DRC1: variants seen among roughly 807,000 people sequenced by gnomAD.
DRC1 encodes the protein dynein regulatory complex protein 1.
In DRC1, 74 loss-of-function variants were observed where a neutral mutation model predicts 98.7. The observed-to-expected ratio is 0.75, with a 90% CI of 0.62 to 0.91. DRC1 has a LOEUF of 0.91. Ranked by LOEUF, DRC1 falls within the 40% of genes least tolerant of loss-of-function variation. The probability of loss-of-function intolerance (pLI) is 0.00; values close to 1 mark genes in which losing one functional copy is unlikely to be tolerated. For missense variants in DRC1, 875 were observed against 886.0 expected (o/e 0.99, Z 0.16); for synonymous variants, 336 against 334.1 (o/e 1.01, Z -0.06).
chr2:26,436,125 TTC>T (rs1454404428), intron 7 of DRC1, among the ~76,000 whole-genome samples: 1 of 151,592 alleles, frequency 6.6e-6, no homozygotes, highest in African/African-American at 2.4e-5. Flanking sequence ...CATCTCCTGT[TTC>T]TTTTTTTTTT....
chr2:26,453,398 G>C lies in DRC1; in HGVS notation c.1768G>C (p.Glu590Gln). Reference protein sequence around the residue: ...TSTRSELELAEQTEMEGEKEE... With the variant: ...TSTRSELELAQQTEMEGEKEE... ...CACGAGGTCAGAATTGGAGCTGGCA[G>C]AGCAGACGGAGATGGAGGGAGAAAA... Residue 590 changes from glutamate to glutamine, a missense_variant, in exon 14 of 17, where the codon GAG (glutamate) becomes CAG (glutamine). Glu to Gln is a conservative substitution (Grantham distance 29). Coordinates refer to ENST00000288710, the MANE Select transcript of DRC1 (RefSeq NM_145038.5). 6.2e-7 allele frequency: 1 copy of C among 1,614,230 alleles called. No homozygotes were observed. The highest frequency in any genetic ancestry group is 1.1e-5 in the South Asian group (1 of 91,084).
intron 4 of DRC1, among the ~76,000 whole-genome samples, chr2:26,425,087 C>T (rs930574876): frequency 6.6e-6 from 1 of 152,164 alleles, no homozygotes; most frequent in Admixed American, 6.5e-5. Context: ...TTCCCTCTTC[C>T]ACTTCCCCCT....
chr2:26,448,559 G>A, intron 10 of DRC1, 132 bp from the exon 11 acceptor site: 1 of 910,610 alleles, frequency 1.1e-6, no homozygotes, highest in Non-Finnish European at 1.8e-6. Flanking sequence ...AAGAGACTGA[G>A]AGAATGCCTC....
chr2:26,431,871 C>T lies in DRC1; in HGVS notation c.766-13C>T, dbSNP rs376503606. The T allele has an allele frequency of 8.7e-6, 14 of 1,613,204 alleles. No homozygotes were observed. Among genetic ancestry groups the T allele is most frequent in the Admixed American group, 1.7e-5 (1 of 59,974 alleles). On this transcript the variant is annotated splice_polypyrimidine_tract_variant and intron_variant, in intron 6 of 16. Coordinates refer to ENST00000288710, the MANE Select transcript of DRC1 (RefSeq NM_145038.5). ...TGGTCCCTAACTTTTCCCTTGTCTT[C>T]CTGTGCCTTTAGCTGGAGTATCTTA...
intron 3 of DRC1, among the ~76,000 whole-genome samples, chr2:26,422,633 G>A (rs1251034691): frequency 2.0e-5 from 3 of 152,096 alleles, no homozygotes; most frequent in South Asian, 4.2e-4. Flanking sequence ...CAACCACTTG[G>A]CCAGGCACGG....
chr2:26,436,288 G>T (rs1663569200), intron 7 of DRC1, among the ~76,000 whole-genome samples: 4 of 152,036 alleles, frequency 2.6e-5, no homozygotes, highest in Non-Finnish European at 4.4e-5. Context: ...TGTTGTTCAT[G>T]TTCTTTGCCC....
At chr2:26,403,827 G>A (rs900232828) in intron 1 of DRC1, among the ~76,000 whole-genome samples, 4 of 144,648 alleles carry the variant, frequency 2.8e-5, no homozygotes, top group Admixed American at 7.1e-5. Flanking sequence ...TGGGCCGGGC[G>A]CAGTGGCTCA....
At chr2:26,436,616 C>T (rs1463279209) in intron 7 of DRC1, among the ~76,000 whole-genome samples, 2 of 152,122 alleles carry the variant, frequency 1.3e-5, no homozygotes, top group African/African-American at 2.4e-5. Flanking sequence ...CCCAGCCATC[C>T]ATATACATAT....
At position 26,430,781 on chromosome 2, in the gene DRC1, C is replaced by T. The variant is rs367775128; in HGVS notation, c.679-5C>T. 19 of 1,613,568 alleles carry T rather than the reference C, an allele frequency of 1.2e-5. No homozygotes were observed. The highest frequency in any genetic ancestry group is 4.0e-5 in the African/African-American group (3 of 74,868). On this transcript the variant is annotated splice_polypyrimidine_tract_variant and splice_region_variant and intron_variant, in intron 5 of 16. Coordinates refer to ENST00000288710, the MANE Select transcript of DRC1 (RefSeq NM_145038.5). The stretch of plus-strand genomic sequence containing the variant: ...TGCAAGAGTGTTTTTCCTTCTTGGT[C>T]GTAGAAAGCATTTGAGGTGGAACGC...
At chr2:26,439,936 T>TATATATATACACAC (rs548209014) in intron 7 of DRC1, among the ~76,000 whole-genome samples, 1 of 75,460 alleles carries the variant, frequency 1.3e-5, no homozygotes, top group African/African-American at 4.3e-5. Flanking sequence ...TATATATATA[T>TATATATATACACAC]ACACACACAC....
intron 2 of DRC1, among the ~76,000 whole-genome samples, chr2:26,414,797 C>T (rs1453631788): frequency 6.6e-6 from 1 of 152,206 alleles, no homozygotes; most frequent in East Asian, 1.9e-4. Context: ...GATCCACTCA[C>T]TCCCCTCCAG....
At chr2:26,449,919 C>T (rs1325445633) in intron 11 of DRC1, 77 bp from the exon 12 acceptor site, 2 of 1,334,046 alleles carry the variant, frequency 1.5e-6, no homozygotes, top group Non-Finnish European at 2.1e-6. Context: ...GAGTGTTACA[C>T]AGGGGGCAGC....
At chr2:26,440,905 T>C (rs1017818617) in intron 8 of DRC1, among the ~76,000 whole-genome samples, 3 of 152,220 alleles carry the variant, frequency 2.0e-5, no homozygotes, top group African/African-American at 7.2e-5. Flanking sequence ...CTTTCACAGT[T>C]TCTTAAGCTG....
At chr2:26,455,664 T>C (rs1372052576) in intron 16 of DRC1, among the ~76,000 whole-genome samples, 1 of 152,240 alleles carries the variant, frequency 6.6e-6, no homozygotes. Context: ...TTGCAACTCG[T>C]CCAGAGCCTG....
chr2:26,428,979 A>T (rs1663357973), intron 4 of DRC1, among the ~76,000 whole-genome samples: 2 of 152,066 alleles, frequency 1.3e-5, no homozygotes, highest in Non-Finnish European at 2.9e-5. Context: ...CTCGTGTTGG[A>T]ACCTGGACAT....
chr2:26,431,611 C>CTT (rs145806664), intron 6 of DRC1, among the ~76,000 whole-genome samples: 3 of 148,148 alleles, frequency 2.0e-5, no homozygotes, highest in African/African-American at 7.4e-5. Context: ...AATTTCTTTT[C>CTT]TTTTTTTTTT....
Position 26,444,930 on chromosome 2 carries a change from G to A in DRC1, c.1378G>A (p.Glu460Lys). The change falls in exon 10 of 17, where the codon GAA becomes AAA. Residue 460 changes from glutamate (E) to lysine (K), a missense_variant. Coordinates refer to ENST00000288710, the MANE Select transcript of DRC1 (RefSeq NM_145038.5). ...PQKSATQIVE[E>K]MLMRSEEEEA... ...GAAGTCCGCCACACAGATAGTAGAAGAAATGCTTATGCGCTCAGGTGACTA... is the reference window on the plus strand; with the variant it reads ...GAAGTCCGCCACACAGATAGTAGAAAAAATGCTTATGCGCTCAGGTGACTA... 1 of 1,614,158 alleles carries A rather than the reference G, an allele frequency of 6.2e-7. No homozygotes were observed. The highest frequency in any genetic ancestry group is 8.5e-7 in the Non-Finnish European group (1 of 1,180,040).
rs1473847224 is a variant in DRC1, at chr2:26,455,237, G to C, written c.2166+4G>C. ...GCAGCAGTATCTGAACTCCAAGGTG[G>C]GCGGCGGGGCCTTCCAAGGAGGGGC... On this transcript the variant is annotated splice_donor_region_variant and intron_variant, in intron 16 of 16. Transcript: ENST00000288710. 4.3e-6 allele frequency: 7 copies of C among 1,610,870 alleles called. No homozygotes were observed. In the South Asian group the frequency reaches 7.7e-5, roughly 18 times the overall value.
At chr2:26,448,555 C>G in intron 10 of DRC1, 136 bp from the exon 11 acceptor site, 1 of 892,194 alleles carries the variant, frequency 1.1e-6, no homozygotes, top group Non-Finnish European at 1.8e-6. Context: ...CATAAAGAGA[C>G]TGAGAGAATG....
Sources: gnomAD v4.1 joint callset for allele counts (sites outside exome capture counted in the v4.1 genomes callset) on GRCh38, gnomAD v4.1.1 for gene constraint, MANE v1.5 for transcripts, NCBI Gene and HGNC (gene_info 2026-07-23, HGNC 2026-07-21) for gene names.